The following FBXL13 variants were observed in gnomAD, a reference collection of about 807,000 sequenced individuals.
FBXL13 encodes the protein F-box and leucine-rich repeat protein 13.
A neutral mutation model predicts 83.6 loss-of-function variants in FBXL13; 67 were observed. That is an observed-to-expected ratio of 0.80 (90% confidence interval 0.66 to 0.98). The LOEUF (loss-of-function observed/expected upper bound fraction) is 0.98, where lower values mean the gene tolerates loss of function less well. Among genes scored for constraint, FBXL13 ranks in the 50% least tolerant of loss-of-function variants. FBXL13 has a pLI of 0.00. For synonymous variants in FBXL13, 272 were observed against 299.5 expected (o/e 0.91, Z 0.95); for missense variants, 822 against 866.5 (o/e 0.95, Z 0.64).
At chr7:102,825,687 C>G (rs1297385941) in intron 18 of FBXL13, among the ~76,000 whole-genome samples, 1 of 152,068 alleles carries the variant, frequency 6.6e-6, no homozygotes, top group Admixed American at 6.6e-5. Flanking sequence ...TTTCACTGAC[C>G]CCCTGCCAAC....
chr7:102,821,406 T>C (rs995323881), intron 19 of FBXL13, among the ~76,000 whole-genome samples: 8 of 152,232 alleles, frequency 5.3e-5, no homozygotes, highest in Admixed American at 1.3e-4. Context: ...TAAGAAACCA[T>C]GTTCTTCCTC....
At chr7:102,912,049 C>G (rs575719029) in intron 11 of FBXL13, among the ~76,000 whole-genome samples, 2 of 152,316 alleles carry the variant, frequency 1.3e-5, no homozygotes, top group Non-Finnish European at 2.9e-5. Context: ...GTATTTCCCA[C>G]TATCCCAGGG....
At chr7:102,894,601 G>A (rs944022570) in intron 11 of FBXL13, among the ~76,000 whole-genome samples, 4 of 151,726 alleles carry the variant, frequency 2.6e-5, no homozygotes, top group Non-Finnish European at 5.9e-5. Flanking sequence ...GGTAGCATGC[G>A]CCTGTAATGC....
At chr7:102,998,786 G>A (rs1790086637) in intron 6 of FBXL13, among the ~76,000 whole-genome samples, 1 of 151,562 alleles carries the variant, frequency 6.6e-6, no homozygotes, top group Admixed American at 6.6e-5. Context: ...GGGTGACATG[G>A]CAAAACTCCA....
At chr7:103,049,446 T>C (rs1796595839) in intron 2 of FBXL13, among the ~76,000 whole-genome samples, 1 of 152,244 alleles carries the variant, frequency 6.6e-6, no homozygotes, top group African/African-American at 2.4e-5. Context: ...TTTAAGCACT[T>C]ATTTTTGTTT....
At chr7:102,959,504 T>C (rs1563151966) in intron 8 of FBXL13, among the ~76,000 whole-genome samples, 1 of 152,002 alleles carries the variant, frequency 6.6e-6, no homozygotes, top group South Asian at 2.1e-4. Flanking sequence ...AAAAGTTATA[T>C]ACAAATGGTA....
intron 8 of FBXL13, among the ~76,000 whole-genome samples, chr7:102,960,945 C>T (rs1825090472): frequency 6.6e-6 from 1 of 152,016 alleles, no homozygotes; most frequent in Non-Finnish European, 1.5e-5. Flanking sequence ...TGCCCTCTCT[C>T]ACCACTCCTA....
Position 102,932,620 on chromosome 7 carries a change from G to A in FBXL13, c.725-687C>T, listed in dbSNP as rs141759378. On this transcript the variant is annotated intron_variant, in intron 8 of 19. Coordinates refer to ENST00000313221, the Ensembl canonical transcript of FBXL13. ...CGTTTTTTTGAGACAGTTGAGACAG[G>A]ATCTTGCTCTGTCAGCCACGCTAGA... 3.7e-3 allele frequency among the ~76,000 whole-genome samples: 562 copies of A among 152,304 alleles called. 5 individuals are homozygous for A. Among genetic ancestry groups the A allele is most frequent in the African/African-American group, 0.013 (555 of 41,552 alleles).
chr7:102,890,573 A>G (rs1811412134), intron 11 of FBXL13, among the ~76,000 whole-genome samples: 1 of 152,248 alleles, frequency 6.6e-6, no homozygotes, highest in Admixed American at 6.5e-5. Flanking sequence ...ATGAGAAGAC[A>G]GACCTGTCTG....
intron 8 of FBXL13, among the ~76,000 whole-genome samples, chr7:102,938,211 T>C (rs964926067): frequency 6.6e-6 from 1 of 152,218 alleles, no homozygotes; most frequent in Admixed American, 6.5e-5. Context: ...AGCTTCACAT[T>C]GACCAGAATA....
At chr7:102,909,983 T>C (rs954258578) in intron 11 of FBXL13, among the ~76,000 whole-genome samples, 2 of 152,208 alleles carry the variant, frequency 1.3e-5, no homozygotes, top group Non-Finnish European at 2.9e-5. Flanking sequence ...ACAGTCCTTA[T>C]GGCCTAGACT....
intron 1 of FBXL13, among the ~76,000 whole-genome samples, chr7:103,067,349 G>A (rs1798501618): frequency 2.0e-5 from 3 of 148,814 alleles, no homozygotes; most frequent in Admixed American, 1.3e-4. Context: ...TCATAATGAT[G>A]GTGTGGTGGC....
intron 11 of FBXL13, among the ~76,000 whole-genome samples, chr7:102,912,742 C>A (rs1017153063): frequency 6.8e-6 from 1 of 145,988 alleles, no homozygotes; most frequent in Non-Finnish European, 1.5e-5. Context: ...CAAAATTCTC[C>A]CTCAAAACAT....
At chr7:102,962,982 TAA>T (rs200698524) in intron 8 of FBXL13, among the ~76,000 whole-genome samples, 7 of 35,372 alleles carry the variant, frequency 2.0e-4, no homozygotes, top group Admixed American at 4.5e-4. Flanking sequence ...TAAAGGATAA[TAA>T]AAATATATAT....
chr7:102,900,926 G>T (rs556461164), intron 11 of FBXL13, among the ~76,000 whole-genome samples: 26 of 152,230 alleles, frequency 1.7e-4, no homozygotes, highest in South Asian at 6.2e-4. Flanking sequence ...AAATTAAGAA[G>T]TGATTAGGAA....
chr7:102,942,254 A>G (rs1268116235), intron 8 of FBXL13: 3 of 1,555,174 alleles, frequency 1.9e-6, no homozygotes, highest in Non-Finnish European at 2.6e-6. Flanking sequence ...AAATGACCTA[A>G]AGAAGTTTTA....
chr7:103,054,246 G>C (rs1477541466), intron 2 of FBXL13, among the ~76,000 whole-genome samples: 1 of 151,994 alleles, frequency 6.6e-6, no homozygotes, highest in East Asian at 1.9e-4. Flanking sequence ...TTATATTTTA[G>C]TGGCGTGGCA....
chr7:102,883,568 C>G, exon 13 of FBXL13: 1 of 1,602,912 alleles, frequency 6.2e-7, no homozygotes. Context: ...TATAACAGAC[C>G]TTCAAATCGG....
At chr7:103,037,629 ACT>A (rs1795200191) in intron 2 of FBXL13, among the ~76,000 whole-genome samples, 3 of 151,696 alleles carry the variant, frequency 2.0e-5, no homozygotes, top group African/African-American at 4.8e-5. Flanking sequence ...ACACAGTGAG[ACT>A]CTGTCTGTAC....
Sources: gnomAD v4.1 joint callset for allele counts (sites outside exome capture counted in the v4.1 genomes callset) on GRCh38, gnomAD v4.1.1 for gene constraint, MANE v1.5 for transcripts, NCBI Gene and HGNC (gene_info 2026-07-23, HGNC 2026-07-21) for gene names.